The following SMARCA1 variants were observed in gnomAD, a reference collection of about 807,000 sequenced individuals.
The protein encoded by SMARCA1 is SWI/SNF-related matrix-associated actin-dependent regulator of chromatin subfamily A member 1.
SMARCA1 carries 17 observed loss-of-function variants against 93.6 expected under a neutral mutation model. That is an observed-to-expected ratio of 0.18 (90% CI 0.12 to 0.27). The LOEUF is 0.27. SMARCA1 is among the 10% of genes least tolerant of loss of function. The pLI is 1.00. For synonymous variants in SMARCA1, 271 were observed against 271.4 expected, an observed-to-expected ratio of 1.00 and a Z score of 0.01; for missense variants, 630 against 819.0, an observed-to-expected ratio of 0.77 and a Z score of 2.82.
intron 17 of SMARCA1, among the ~76,000 whole-genome samples, chrX:129,481,435 GAAGA>G (rs768797443): frequency 8.9e-6 from 1 of 112,274 alleles, no homozygotes; most frequent in African/African-American, 3.2e-5. Flanking sequence ...TGGTGATTGA[GAAGA>G]ATCTGTACAA....
At chrX:129,470,995 A>G (rs1400455492) in intron 20 of SMARCA1, among the ~76,000 whole-genome samples, 3 of 112,451 alleles carry the variant, frequency 2.7e-5, no homozygotes, top group Non-Finnish European at 5.6e-5. Flanking sequence ...TTGCATATAC[A>G]TACTATCCAC....
At chrX:129,479,862 T>C in intron 19 of SMARCA1, among the ~76,000 whole-genome samples, 1 of 110,584 alleles carries the variant, frequency 9.0e-6, no homozygotes, top group Non-Finnish European at 1.9e-5. Context: ...CGCACCCAGC[T>C]AATTTTTGCA....
At chrX:129,505,760 A>G (rs1226364950) in intron 8 of SMARCA1, among the ~76,000 whole-genome samples, 2 of 111,458 alleles carry the variant, frequency 1.8e-5, no homozygotes, top group Non-Finnish European at 3.8e-5. Context: ...ATATAAAAAT[A>G]TGTTTCAAAC....
At chrX:129,500,414 C>T (rs1447316497) in intron 9 of SMARCA1, among the ~76,000 whole-genome samples, 1 of 112,629 alleles carries the variant, frequency 8.9e-6, no homozygotes. Context: ...GATCCACCCA[C>T]CTTGGCCTCC....
intron 19 of SMARCA1, among the ~76,000 whole-genome samples, chrX:129,478,970 C>T (rs1296778603): frequency 9.0e-6 from 1 of 111,664 alleles, no homozygotes; most frequent in African/African-American, 3.3e-5. Context: ...CCCATGGCAA[C>T]CCTGTTAGTT....
chrX:129,508,135 A>T (rs1341553372), intron 6 of SMARCA1, 39 bp from the exon 7 acceptor site: 1 of 775,540 alleles, frequency 1.3e-6, no homozygotes, highest in African/African-American at 2.2e-5. Flanking sequence ...GAATATATTT[A>T]TATTAGAATA....
At chrX:129,475,417 G>A (rs961160848) in intron 19 of SMARCA1, among the ~76,000 whole-genome samples, 3 of 110,724 alleles carry the variant, frequency 2.7e-5, no homozygotes, top group Non-Finnish European at 5.7e-5. Flanking sequence ...TACTCGGGAG[G>A]CTAAGGAAGG....
At chrX:129,517,151 A>G (rs939007168) in intron 2 of SMARCA1, among the ~76,000 whole-genome samples, 2 of 111,467 alleles carry the variant, frequency 1.8e-5, no homozygotes, top group African/African-American at 6.5e-5. Flanking sequence ...AGAATTTGGG[A>G]AAAATATATA....
intron 23 of SMARCA1, among the ~76,000 whole-genome samples, chrX:129,455,283 G>A (rs2124165726): frequency 9.0e-6 from 1 of 111,438 alleles, no homozygotes; most frequent in South Asian, 3.8e-4. Flanking sequence ...GTCATAAAAA[G>A]GATGAGTTCA....
At chrX:129,457,003 A>G (rs910921927) in intron 23 of SMARCA1, among the ~76,000 whole-genome samples, 2 of 112,113 alleles carry the variant, frequency 1.8e-5, no homozygotes, top group African/African-American at 6.5e-5. Flanking sequence ...ATCACATGCC[A>G]AAGATAAATC....
At position 129,510,843 on chromosome X, in the gene SMARCA1, G is replaced by A. The variant is rs758460056; in HGVS notation, c.810+961C>T. 3.6e-5 allele frequency among the ~76,000 whole-genome samples: 4 copies of A among 111,648 alleles called. No individual in the cohort carries two copies. The South Asian group carries it at 1.5e-3, about 42-fold the overall frequency. ...GCTTTAGGGAAATATTAGGCATAGG[G>A]AAGAATCTGGCCTGTAATTGTAAAC... On this transcript the variant is annotated intron_variant, in intron 6 of 24. Transcript: ENST00000371121.
chrX:129,520,980 C>A (rs1189541449), intron 1 of SMARCA1, among the ~76,000 whole-genome samples: 1 of 110,821 alleles, frequency 9.0e-6, no homozygotes, highest in Non-Finnish European at 1.9e-5. Context: ...CGGGTTCAAG[C>A]GATTCTCCTG....
intron 17 of SMARCA1, among the ~76,000 whole-genome samples, chrX:129,486,368 A>G (rs1011589193): frequency 9.0e-6 from 1 of 111,364 alleles, no homozygotes; most frequent in African/African-American, 3.3e-5. Context: ...TACTATTTTT[A>G]CAACTATTTT....
chrX:129,506,315 C>G (rs762977737), intron 7 of SMARCA1, 104 bp from the exon 8 acceptor site: 243 of 617,840 alleles, frequency 3.9e-4, no homozygotes, highest in South Asian at 1.2e-3. Context: ...TACAATATAA[C>G]TTGAAAATTT....
At chrX:129,497,393 T>A (rs968300561) in intron 11 of SMARCA1, among the ~76,000 whole-genome samples, 1 of 111,808 alleles carries the variant, frequency 8.9e-6, no homozygotes, top group Non-Finnish European at 1.9e-5. Context: ...CCGTTCATAA[T>A]TTGGCTCCAT....
At chrX:129,501,972 T>C (rs1162518062) in intron 9 of SMARCA1, among the ~76,000 whole-genome samples, 1 of 111,900 alleles carries the variant, frequency 8.9e-6, no homozygotes, top group East Asian at 2.8e-4. Flanking sequence ...AAATTTGTGG[T>C]GGTACATGTG....
intron 23 of SMARCA1, among the ~76,000 whole-genome samples, chrX:129,462,658 T>C (rs1932826351): frequency 9.0e-6 from 1 of 111,533 alleles, no homozygotes; most frequent in Non-Finnish European, 1.9e-5. Flanking sequence ...TATTTAAATA[T>C]AAAATAAACT....
intron 23 of SMARCA1, among the ~76,000 whole-genome samples, chrX:129,465,156 G>A (rs1446172367): frequency 9.0e-6 from 1 of 111,031 alleles, no homozygotes; most frequent in African/African-American, 3.3e-5. Flanking sequence ...TTTTCAGGTG[G>A]GATTGTGGTT....
chrX:129,460,482 T>C (rs2124180843), intron 23 of SMARCA1, among the ~76,000 whole-genome samples: 1 of 110,751 alleles, frequency 9.0e-6, no homozygotes, highest in Admixed American at 9.7e-5. Flanking sequence ...AAATCCCATC[T>C]CTACCAAAAA....
Sources: gnomAD v4.1 joint callset for allele counts (sites outside exome capture counted in the v4.1 genomes callset) on GRCh38, gnomAD v4.1.1 for gene constraint, MANE v1.5 for transcripts, NCBI Gene and HGNC (gene_info 2026-07-23, HGNC 2026-07-21) for gene names.